Variants in CES5A observed in about 807,000 individuals in gnomAD.
CES5A encodes carboxylesterase 5A, also known as carboxylesterase 5.
In CES5A, 67 loss-of-function variants were observed where a neutral mutation model predicts 62.9. The ratio of observed to expected loss-of-function variants is 1.07; its 90% CI spans 0.88 to 1.31. The LOEUF (loss-of-function observed/expected upper bound fraction) is 1.31. CES5A is among the 50% of genes most tolerant of loss of function. The pLI is 0.00. For synonymous variants in CES5A, 296 were observed against 280.8 expected (o/e 1.05, Z -0.54); for missense variants, 748 against 708.5 (o/e 1.06, Z -0.63).
intron 2 of CES5A, among the ~76,000 whole-genome samples, chr16:55,941,548 A>G (rs2034446455): frequency 6.6e-6 from 1 of 152,108 alleles, no homozygotes. Context: ...TCCCAAAATG[A>G]TCTACATATT....
intron 2 of CES5A, among the ~76,000 whole-genome samples, chr16:55,934,431 A>T (rs925550214): frequency 1.7e-4 from 26 of 152,250 alleles, no homozygotes; most frequent in African/African-American, 6.3e-4. Context: ...GTAAATATCT[A>T]TTAATTTAAT....
chr16:55,907,051 A>G (rs2034046265), intron 1 of CES5A, among the ~76,000 whole-genome samples: 1 of 152,236 alleles, frequency 6.6e-6, no homozygotes, highest in African/African-American at 2.4e-5. Context: ...TGGCATAGAT[A>G]GGTGCTCAAT....
At chr16:55,872,041 C>T (rs1297417494) in intron 2 of CES5A, among the ~76,000 whole-genome samples, 1 of 152,190 alleles carries the variant, frequency 6.6e-6, no homozygotes, top group Non-Finnish European at 1.5e-5. Context: ...GCCTACACCA[C>T]CCTCCTATGC....
chr16:55,852,832 A>G (rs763347268), intron 10 of CES5A, 49 bp downstream of exon 10: 1 of 1,579,270 alleles, frequency 6.3e-7, no homozygotes, highest in Non-Finnish European at 8.6e-7. Flanking sequence ...TTCCGTGGCC[A>G]CCAGCCTCAC....
At chr16:55,900,452 C>T (rs574521887) in intron 1 of CES5A, among the ~76,000 whole-genome samples, 78 of 152,298 alleles carry the variant, frequency 5.1e-4, no homozygotes, top group African/African-American at 1.8e-3. Context: ...GGAATAATAG[C>T]TCTGCCCCAA....
At chr16:55,859,709 AATCATCAGCT>A in intron 7 of CES5A, 22 bp from the exon 8 acceptor site, 1 of 1,592,612 alleles carries the variant, frequency 6.3e-7, no homozygotes, top group South Asian at 1.2e-5. Flanking sequence ...AAGAAAAAAA[AATCATCAGCT>A]ATCATCAGCT....
intron 1 of CES5A, among the ~76,000 whole-genome samples, chr16:55,916,031 A>G (rs1023942214): frequency 6.6e-6 from 1 of 152,210 alleles, no homozygotes; most frequent in Non-Finnish European, 1.5e-5. Context: ...AGACAGAAGT[A>G]TTACTCAAAT....
intron 1 of CES5A, among the ~76,000 whole-genome samples, chr16:55,916,910 C>T (rs1421455534): frequency 1.3e-5 from 2 of 152,222 alleles, no homozygotes; most frequent in Admixed American, 1.3e-4. Flanking sequence ...GACATCTTCT[C>T]AGAGGTATTC....
intron 1 of CES5A, among the ~76,000 whole-genome samples, chr16:55,902,259 T>C (rs1209802790): frequency 6.6e-6 from 1 of 152,142 alleles, no homozygotes; most frequent in African/African-American, 2.4e-5. Flanking sequence ...CCATGGAGCA[T>C]GGAATGGGTA....
At chr16:55,929,692 G>A (rs2034289950), upstream of CES5A, among the ~76,000 whole-genome samples, 1 of 152,170 alleles carries the variant, frequency 6.6e-6, no homozygotes, top group Non-Finnish European at 1.5e-5. Context: ...CATGAAGACA[G>A]CATCCGACAG....
chr16:55,923,024 G>T (rs2034224050), intron 1 of CES5A, among the ~76,000 whole-genome samples: 1 of 151,400 alleles, frequency 6.6e-6, no homozygotes, highest in South Asian at 2.1e-4. Flanking sequence ...CTATATATGG[G>T]ATACAGCAAA....
chr16:55,858,509 C>T (rs139442644), intron 8 of CES5A, among the ~76,000 whole-genome samples: 397 of 152,256 alleles, frequency 2.6e-3, no homozygotes, highest in South Asian at 0.025. Flanking sequence ...CCATGAACTG[C>T]GATTCAGTGG....
At chr16:55,906,161 C>T (rs2034038579) in intron 1 of CES5A, among the ~76,000 whole-genome samples, 1 of 152,212 alleles carries the variant, frequency 6.6e-6, no homozygotes, top group African/African-American at 2.4e-5. Context: ...TCTGGTGTCC[C>T]TCCAAGGTGC....
At chr16:55,868,492 C>T (rs553410779) in intron 4 of CES5A, among the ~76,000 whole-genome samples, 1 of 152,324 alleles carries the variant, frequency 6.6e-6, no homozygotes, top group Admixed American at 6.5e-5. Context: ...AATGTCACCC[C>T]TCTCTGAAGC....
chr16:55,935,102 T>A (rs2034358519), intron 2 of CES5A, among the ~76,000 whole-genome samples: 1 of 152,090 alleles, frequency 6.6e-6, no homozygotes, highest in South Asian at 2.1e-4. Flanking sequence ...ACCACCACGC[T>A]TGGCTAATTT....
intron 1 of CES5A, among the ~76,000 whole-genome samples, chr16:55,915,940 T>C (rs1219698553): frequency 6.6e-6 from 1 of 152,174 alleles, no homozygotes; most frequent in African/African-American, 2.4e-5. Flanking sequence ...TTCTTCTTGC[T>C]CACCACACAG....
chr16:55,942,702 T>C (rs1388663929), intron 2 of CES5A, among the ~76,000 whole-genome samples: 1 of 152,234 alleles, frequency 6.6e-6, no homozygotes, highest in African/African-American at 2.4e-5. Flanking sequence ...TGGGTTCATA[T>C]GTGCACTTAA....
intron 1 of CES5A, among the ~76,000 whole-genome samples, chr16:55,882,753 T>A (rs1418047263): frequency 6.6e-6 from 1 of 152,196 alleles, no homozygotes; most frequent in Non-Finnish European, 1.5e-5. Flanking sequence ...AATCCTAGCA[T>A]GTTCTGCCCA....
Position 55,904,492 on chromosome 16 carries a change from C to T in CES5A, c.-256+20831G>A, listed in dbSNP as rs376978912. On this transcript the variant is annotated intron_variant, in intron 1 of 12. Transcript: ENST00000518005. Reference sequence around the variant, plus strand: ...TAAGCCACCAACTATAGATTCACTCCGAGATCCTAATTCCTCCACTCCTGG... The same window carrying T: ...TAAGCCACCAACTATAGATTCACTCTGAGATCCTAATTCCTCCACTCCTGG... Among the ~76,000 whole-genome samples, 9 of 152,228 alleles carry T rather than the reference C, an allele frequency of 5.9e-5. No homozygotes were observed. The East Asian group carries it at 7.8e-4, about 13-fold the overall frequency.
Sources: allele counts gnomAD v4.1 joint callset (sites outside exome capture counted in the v4.1 genomes callset), GRCh38; gene constraint gnomAD v4.1.1; transcripts MANE v1.5; gene names NCBI Gene and HGNC (gene_info 2026-07-23, HGNC 2026-07-21).